CNTN4: variants seen among roughly 807,000 people sequenced by gnomAD.
The protein encoded by CNTN4 is contactin 4.
Under a neutral mutation model 122.5 loss-of-function variants are expected in CNTN4, and 77 were observed. The ratio of observed to expected loss-of-function variants is 0.63; its 90% CI spans 0.52 to 0.76. The LOEUF (loss-of-function observed/expected upper bound fraction) is 0.76, where lower values mean the gene tolerates loss of function less well. Ranked by LOEUF, CNTN4 falls within the 30% of genes least tolerant of loss-of-function variation. CNTN4 has a pLI of 0.00. For missense variants in CNTN4, 1,256 were observed against 1,259.1 expected, an observed-to-expected ratio of 1.00 and a Z score of 0.04; for synonymous variants, 512 against 447.0, an observed-to-expected ratio of 1.15 and a Z score of -1.83.
chr3:2,569,039 G>A (rs1027876795), intron 3 of CNTN4, among the ~76,000 whole-genome samples: 6 of 152,094 alleles, frequency 3.9e-5, no homozygotes, highest in Non-Finnish European at 5.9e-5. Context: ...TGATCAGCAC[G>A]TCCTGTTGAT....
chr3:2,120,833 G>C (rs1027310091), intron 2 of CNTN4, among the ~76,000 whole-genome samples: 1 of 152,046 alleles, frequency 6.6e-6, no homozygotes, highest in African/African-American at 2.4e-5. Context: ...TAATCATAAT[G>C]AGTAATATTA....
chr3:2,459,246 T>C lies in CNTN4; in HGVS notation c.-88-112170T>C, dbSNP rs372895027. ...CTTTGGCAATTTGAATGCATCACTA[T>C]ACTTTTCCAGCCTTTTTTCTTCACC... On this transcript the variant is annotated intron_variant, in intron 3 of 24. Coordinates refer to ENST00000418658, the MANE Select transcript of CNTN4 (RefSeq NM_175607.3). Among the ~76,000 whole-genome samples the C allele has an allele frequency of 4.6e-5, 7 of 152,200 alleles. No homozygotes were observed. In the East Asian group the frequency reaches 5.8e-4, roughly 13 times the overall value.
intron 14 of CNTN4, among the ~76,000 whole-genome samples, chr3:2,991,851 C>G (rs1368179708): frequency 6.6e-6 from 1 of 152,120 alleles, no homozygotes; most frequent in Non-Finnish European, 1.5e-5. Context: ...ATTTTGAGAT[C>G]TACAAAGGGA....
intron 6 of CNTN4, among the ~76,000 whole-genome samples, chr3:2,782,292 TG>T (rs149278946): frequency 2.1e-4 from 31 of 149,626 alleles, no homozygotes; most frequent in East Asian, 2.0e-3. Context: ...AGATGGTAGG[TG>T]GGGGGGGGCC....
At chr3:2,351,000 C>G (rs958275590) in intron 3 of CNTN4, among the ~76,000 whole-genome samples, 2 of 152,110 alleles carry the variant, frequency 1.3e-5, no homozygotes, top group African/African-American at 4.8e-5. Context: ...AAAATATATA[C>G]CTTAATTTCT....
chr3:2,151,321 G>A (rs566867586), intron 2 of CNTN4, among the ~76,000 whole-genome samples: 33 of 152,300 alleles, frequency 2.2e-4, no homozygotes, highest in African/African-American at 7.0e-4. Flanking sequence ...CATCTATGAG[G>A]AAGTGGTATG....
intron 2 of CNTN4, among the ~76,000 whole-genome samples, chr3:2,325,363 G>T (rs2043417372): frequency 6.6e-6 from 1 of 152,112 alleles, no homozygotes. Context: ...GTTATTTTAT[G>T]AATTGAAAAG....
intron 4 of CNTN4, among the ~76,000 whole-genome samples, chr3:2,613,581 T>C (rs1032610415): frequency 1.3e-5 from 2 of 152,206 alleles, no homozygotes; most frequent in Non-Finnish European, 2.9e-5. Flanking sequence ...TAAGACCATG[T>C]ATATTGTACT....
chr3:2,276,706 T>C (rs969330132), intron 2 of CNTN4, among the ~76,000 whole-genome samples: 8 of 152,268 alleles, frequency 5.3e-5, no homozygotes, highest in African/African-American at 1.9e-4. Context: ...ACTATACTTG[T>C]AGACCAAGGG....
intron 3 of CNTN4, among the ~76,000 whole-genome samples, chr3:2,358,806 A>C (rs1277583351): frequency 6.6e-6 from 1 of 152,188 alleles, no homozygotes; most frequent in Admixed American, 6.6e-5. Flanking sequence ...ATTATTTTTT[A>C]TTCCAATATA....
intron 4 of CNTN4, among the ~76,000 whole-genome samples, chr3:2,692,209 A>T (rs74829001): frequency 1.3e-3 from 191 of 152,332 alleles, no homozygotes; most frequent in African/African-American, 4.3e-3. Context: ...CCCTTGACTA[A>T]GTATTTTTGC....
intron 2 of CNTN4, among the ~76,000 whole-genome samples, chr3:2,328,085 T>G (rs139453499): frequency 3.9e-5 from 6 of 152,178 alleles, no homozygotes; most frequent in Non-Finnish European, 5.9e-5. Context: ...TTATACCCTT[T>G]TGTCTTCCAA....
At chr3:2,708,727 T>TCACACACACA (rs10530575) in intron 4 of CNTN4, among the ~76,000 whole-genome samples, 59 of 151,008 alleles carry the variant, frequency 3.9e-4, no homozygotes, top group Admixed American at 7.2e-4. Flanking sequence ...CACGCGCGCA[T>TCACACACACA]CACACACACA....
chr3:2,479,668 G>A (rs974471987), intron 3 of CNTN4, among the ~76,000 whole-genome samples: 3 of 152,110 alleles, frequency 2.0e-5, no homozygotes, highest in African/African-American at 7.2e-5. Flanking sequence ...GCTTCCCTGG[G>A]TGTGCCTGTC....
chr3:2,418,221 G>C (rs2047488568), intron 3 of CNTN4, among the ~76,000 whole-genome samples: 1 of 152,132 alleles, frequency 6.6e-6, no homozygotes, highest in South Asian at 2.1e-4. Context: ...AGTTCAGAGA[G>C]GCTGTGTGTA....
intron 2 of CNTN4, among the ~76,000 whole-genome samples, chr3:2,246,365 C>T (rs991283609): frequency 1.3e-5 from 2 of 151,898 alleles, no homozygotes; most frequent in Admixed American, 6.6e-5. Flanking sequence ...ATTTTTAATA[C>T]CCCTTATCCT....
chr3:2,496,646 G>GA (rs570232220), intron 3 of CNTN4, among the ~76,000 whole-genome samples: 1 of 152,030 alleles, frequency 6.6e-6, no homozygotes, highest in South Asian at 2.1e-4. Flanking sequence ...AAGGGTTTCA[G>GA]AAAAAAGAAT....
At chr3:2,360,392 C>G (rs9837919) in intron 3 of CNTN4, among the ~76,000 whole-genome samples, 2,498 of 152,168 alleles carry the variant, frequency 0.016, 67 homozygotes, top group African/African-American at 0.057. Context: ...TCTATTTCAT[C>G]TTTCAGTGAA....
At chr3:2,166,601 G>T (rs918665859) in intron 2 of CNTN4, among the ~76,000 whole-genome samples, 2 of 152,016 alleles carry the variant, frequency 1.3e-5, no homozygotes, top group African/African-American at 4.8e-5. Flanking sequence ...ATCCTCAACT[G>T]CAAGGACAAA....
Sources: allele counts gnomAD v4.1 joint callset (sites outside exome capture counted in the v4.1 genomes callset), GRCh38; gene constraint gnomAD v4.1.1; transcripts MANE v1.5; gene names NCBI Gene and HGNC (gene_info 2026-07-23, HGNC 2026-07-21).